AOPEP: variants seen among roughly 807,000 people sequenced by gnomAD.
The protein encoded by AOPEP is aminopeptidase O.
In AOPEP, 77 loss-of-function variants were observed where a neutral mutation model predicts 98.1. The observed-to-expected ratio is 0.78, with a 90% CI of 0.65 to 0.95. The LOEUF is 0.95. AOPEP is among the 40% of genes least tolerant of loss of function. The probability of loss-of-function intolerance (pLI) is 0.00; values close to 1 mark genes in which losing one functional copy is unlikely to be tolerated. For missense variants in AOPEP, 1,024 were observed against 1,024.7 expected (o/e 1.00, Z 0.01); for synonymous variants, 346 against 365.3 (o/e 0.95, Z 0.60).
Position 94,919,355 on chromosome 9 carries a change from C to T in AOPEP, c.1365-4631C>T, listed in dbSNP as rs372620811. On this transcript the variant is annotated intron_variant, in intron 5 of 16. Coordinates refer to ENST00000375315, the MANE Select transcript of AOPEP (RefSeq NM_001193329.3). ...CTATCCCCTCATCTCCTCAGCCTCC[C>T]GTTTAAAGATACACACTGCAGTCGG... 6.6e-5 allele frequency among the ~76,000 whole-genome samples: 10 copies of T among 152,266 alleles called. No homozygotes were observed. In the South Asian group the frequency reaches 2.1e-3, roughly 32 times the overall value.
intron 6 of AOPEP, among the ~76,000 whole-genome samples, chr9:94,928,195 G>A (rs1204935161): frequency 6.6e-6 from 1 of 152,124 alleles, no homozygotes; most frequent in Non-Finnish European, 1.5e-5. Context: ...GGCGACCTCC[G>A]CCAAACAGCA....
chr9:94,877,491 C>G lies in AOPEP; in HGVS notation c.1365-46495C>G, dbSNP rs185161508. ...AGGCTGGAGTGCAGTGGTGCGATCT[C>G]GGCTTACTGCAACCTCTGCCTCTGG... On this transcript the variant is annotated intron_variant, in intron 5 of 16. Coordinates refer to ENST00000375315, the MANE Select transcript of AOPEP (RefSeq NM_001193329.3). Among the ~76,000 whole-genome samples the G allele has an allele frequency of 1.6e-3, 239 of 148,944 alleles. 2 individuals carry two copies. Among genetic ancestry groups the G allele is most frequent in the African/African-American group, 5.7e-3 (229 of 40,284 alleles).
intron 5 of AOPEP, among the ~76,000 whole-genome samples, chr9:94,822,918 C>G (rs1358513508): frequency 2.0e-5 from 3 of 152,048 alleles, no homozygotes; most frequent in African/African-American, 7.2e-5. Context: ...AAATTCTACC[C>G]AGTTCCCTGC....
rs189427408 is a variant in AOPEP at position 94,777,031 on chromosome 9, C to A, written c.964+3863C>A. Among the ~76,000 whole-genome samples, 456 of 150,728 alleles carry A rather than the reference C, an allele frequency of 3.0e-3. 4 individuals are homozygous for A. Among genetic ancestry groups the A allele is most frequent in the South Asian group, 0.022 (104 of 4,776 alleles). On this transcript the variant is annotated intron_variant, in intron 3 of 16. Transcript: ENST00000375315. The stretch of plus-strand genomic sequence containing the variant: ...ACAATCCTTGGCTAGGTATAACATT[C>A]TTTTTTTTAATATTTTTATTTGTAG...
chr9:95,085,165 C>T (rs749471126), intron 16 of AOPEP: 11 of 442,450 alleles, frequency 2.5e-5, no homozygotes, highest in African/African-American at 8.1e-5. Flanking sequence ...GGCGTCCTTC[C>T]GCGGAAGCCC....
At chr9:95,080,372 TG>T (rs1421516730) in intron 14 of AOPEP, among the ~76,000 whole-genome samples, 17 of 151,888 alleles carry the variant, frequency 1.1e-4, no homozygotes, top group Admixed American at 6.6e-4. Flanking sequence ...CAAAAATTAG[TG>T]GGGCATGATG....
chr9:95,111,299 C>T, the AOPEP span: 1 of 1,583,138 alleles, frequency 6.3e-7, no homozygotes, highest in Non-Finnish European at 8.5e-7. Context: ...CCTCTGACCA[C>T]AAGGCTGGAG....
chr9:95,120,195 T>C, the AOPEP span, among the ~76,000 whole-genome samples: 1 of 152,246 alleles, frequency 6.6e-6, no homozygotes, highest in Non-Finnish European at 1.5e-5. Flanking sequence ...TTGTGTGCTT[T>C]ACAAGGTAAT....
intron 5 of AOPEP, among the ~76,000 whole-genome samples, chr9:94,843,094 C>T (rs1032181946): frequency 6.6e-5 from 10 of 152,128 alleles, no homozygotes; most frequent in Admixed American, 2.6e-4. Context: ...GTACTACAGC[C>T]TTTCTCTCTC....
At chr9:95,040,377 C>T (rs1424748766) in intron 13 of AOPEP, among the ~76,000 whole-genome samples, 1 of 152,188 alleles carries the variant, frequency 6.6e-6, no homozygotes, top group African/African-American at 2.4e-5. Flanking sequence ...AGGCTGTGTC[C>T]CACGATATGT....
chr9:94,775,958 G>A (rs556561794), intron 3 of AOPEP, among the ~76,000 whole-genome samples: 6 of 151,996 alleles, frequency 3.9e-5, no homozygotes, highest in Admixed American at 1.3e-4. Context: ...CAGCCTGGGT[G>A]ACAGAGTGAG....
the AOPEP span, among the ~76,000 whole-genome samples, chr9:95,128,216 C>A: frequency 6.6e-6 from 1 of 152,040 alleles, no homozygotes; most frequent in African/African-American, 2.4e-5. Flanking sequence ...TCTATGTATT[C>A]ATAATGAAAA....
intron 1 of AOPEP, among the ~76,000 whole-genome samples, chr9:94,746,030 G>A (rs554384052): frequency 2.7e-4 from 41 of 152,254 alleles, no homozygotes; most frequent in African/African-American, 9.9e-4. Context: ...CGTTGCTTGC[G>A]TTCGTTATTG....
chr9:95,103,200 A>C, the AOPEP span, among the ~76,000 whole-genome samples: 1 of 151,952 alleles, frequency 6.6e-6, no homozygotes, highest in Non-Finnish European at 1.5e-5. Flanking sequence ...CCATGTCTGA[A>C]GAAAGGCCGA....
chr9:94,899,373 G>A (rs1305382619), intron 5 of AOPEP, among the ~76,000 whole-genome samples: 16 of 146,282 alleles, frequency 1.1e-4, no homozygotes, highest in African/African-American at 4.0e-4. Context: ...TTTTTTAGTA[G>A]AGACGAGGTT....
the AOPEP span, among the ~76,000 whole-genome samples, chr9:95,120,996 G>C: frequency 1.3e-5 from 2 of 152,194 alleles, no homozygotes; most frequent in Non-Finnish European, 2.9e-5. Flanking sequence ...CATGAGGGCA[G>C]CTGGGGGGAG....
chr9:94,925,255 C>T (rs867999966), intron 6 of AOPEP, among the ~76,000 whole-genome samples: 1 of 152,224 alleles, frequency 6.6e-6, no homozygotes. Flanking sequence ...TCCCAAAGTG[C>T]TGGGATTACA....
At chr9:94,956,701 T>A (rs1018237061) in intron 9 of AOPEP, among the ~76,000 whole-genome samples, 1 of 152,178 alleles carries the variant, frequency 6.6e-6, no homozygotes, top group Non-Finnish European at 1.5e-5. Flanking sequence ...AGCAAGGAAG[T>A]TAACAAGGAG....
chr9:94,764,663 TAAATA>T (rs1013166315), intron 2 of AOPEP, among the ~76,000 whole-genome samples: 2 of 151,682 alleles, frequency 1.3e-5, no homozygotes, highest in Non-Finnish European at 2.9e-5. Context: ...TAAAATAAAA[TAAATA>T]AAATAAAAGT....
Sources: gnomAD v4.1 joint callset for allele counts (sites outside exome capture counted in the v4.1 genomes callset) on GRCh38, gnomAD v4.1.1 for gene constraint, MANE v1.5 for transcripts, NCBI Gene and HGNC (gene_info 2026-07-23, HGNC 2026-07-21) for gene names.